SH3BGRL: variants seen among roughly 807,000 people sequenced by gnomAD.
The protein encoded by SH3BGRL is adapter SH3BGRL.
SH3BGRL carries 7 observed loss-of-function variants against 9.8 expected under a neutral mutation model. That is an observed-to-expected ratio of 0.72 (90% CI 0.41 to 1.35). The LOEUF (loss-of-function observed/expected upper bound fraction) is 1.35. SH3BGRL is among the 40% of genes most tolerant of loss of function. SH3BGRL has a pLI of 0.01. For synonymous variants in SH3BGRL, 36 were observed against 29.1 expected (o/e 1.24, Z -0.76); for missense variants, 73 against 84.4 (o/e 0.86, Z 0.53).
chrX:81,221,933 G>T (rs2075601170), intron 1 of SH3BGRL, among the ~76,000 whole-genome samples: 1 of 111,599 alleles, frequency 9.0e-6, no homozygotes, highest in Non-Finnish European at 1.9e-5. Context: ...TAAAATATTA[G>T]AAGCATATGT....
At chrX:81,223,188 A>G (rs776490142) in intron 1 of SH3BGRL, among the ~76,000 whole-genome samples, 1 of 110,955 alleles carries the variant, frequency 9.0e-6, no homozygotes, top group East Asian at 2.8e-4. Flanking sequence ...ATTAGATCCC[A>G]TTTGTCAATT....
chrX:81,230,569 G>C (rs1008111654), intron 1 of SH3BGRL, among the ~76,000 whole-genome samples: 1 of 112,159 alleles, frequency 8.9e-6, no homozygotes, highest in African/African-American at 3.2e-5. Flanking sequence ...ACCTAGAAGA[G>C]GAAATTATCT....
chrX:81,227,965 G>T (rs2075622268), intron 1 of SH3BGRL, among the ~76,000 whole-genome samples: 2 of 111,891 alleles, frequency 1.8e-5, no homozygotes, highest in Admixed American at 9.5e-5. Flanking sequence ...CAGTTTGTAT[G>T]CAGTTTTAGA....
At chrX:81,263,798 A>C (rs2075748135) in intron 1 of SH3BGRL, among the ~76,000 whole-genome samples, 1 of 111,591 alleles carries the variant, frequency 9.0e-6, no homozygotes, top group Non-Finnish European at 1.9e-5. Flanking sequence ...TAAAAAGAAC[A>C]GAAAGGGTCT....
chrX:81,263,455 C>T (rs1188140024), intron 1 of SH3BGRL, among the ~76,000 whole-genome samples: 2 of 111,792 alleles, frequency 1.8e-5, no homozygotes, highest in African/African-American at 6.5e-5. Context: ...TTGGCATGTA[C>T]GTTTGATAAG....
chrX:81,260,218 C>T (rs2075736997), intron 1 of SH3BGRL, among the ~76,000 whole-genome samples: 1 of 111,488 alleles, frequency 9.0e-6, no homozygotes. Context: ...AGACAACATA[C>T]ATTGTAGTGC....
chrX:81,286,080 G>A (rs2075833097), intron 3 of SH3BGRL, among the ~76,000 whole-genome samples: 2 of 111,371 alleles, frequency 1.8e-5, no homozygotes, highest in South Asian at 7.4e-4. Context: ...ATATTGGATT[G>A]TTTAAAACAA....
At chrX:81,210,613 C>T (rs953831097) in intron 1 of SH3BGRL, among the ~76,000 whole-genome samples, 1 of 111,052 alleles carries the variant, frequency 9.0e-6, no homozygotes, top group Non-Finnish European at 1.9e-5. Flanking sequence ...AGAGAACTAG[C>T]CAGGTCACAG....
chrX:81,287,796 TATA>T (rs2075840443), intron 3 of SH3BGRL, among the ~76,000 whole-genome samples: 1 of 110,640 alleles, frequency 9.0e-6, no homozygotes, highest in South Asian at 3.9e-4. Context: ...GAACTTAAAG[TATA>T]ATAATAAAAA....
In SH3BGRL at chrX:81,202,242, A is replaced by G. The variant is rs757988680; in HGVS notation, c.42A>G (p.Thr14=). 3.3e-6 allele frequency: 4 copies of G among 1,201,871 alleles called. No individual in the cohort carries two copies. Among genetic ancestry groups the G allele is most frequent in the Admixed American group, 4.4e-5 (2 of 45,341 alleles). ...RVYIASSSGS[T]AIKKKQQDVL... ...ATATTGCATCTTCCTCTGGCTCTAC[A>G]GCGGTAAGGAGAGTGGGGAGTCCAC... Residue 14 remains threonine, a synonymous_variant, in exon 1 of 4, where the codon ACA becomes ACG. Coordinates refer to ENST00000373212, the MANE Select transcript of SH3BGRL (RefSeq NM_003022.3).
chrX:81,255,111 A>G (rs2075721782), intron 1 of SH3BGRL, among the ~76,000 whole-genome samples: 1 of 110,341 alleles, frequency 9.1e-6, no homozygotes, highest in Non-Finnish European at 1.9e-5. Flanking sequence ...GAGGTTCTCA[A>G]TCTCCTGACC....
chrX:81,275,699 G>A, intron 1 of SH3BGRL, among the ~76,000 whole-genome samples: 1 of 112,118 alleles, frequency 8.9e-6, no homozygotes, highest in East Asian at 2.8e-4. Flanking sequence ...AAATTACCTT[G>A]TAGCAAGTTT....
chrX:81,212,923 C>T (rs943794446), intron 1 of SH3BGRL, among the ~76,000 whole-genome samples: 1 of 112,534 alleles, frequency 8.9e-6, no homozygotes, highest in East Asian at 2.8e-4. Context: ...TGTCTAATTA[C>T]TTTTTGAAAA....
At chrX:81,220,340 A>G (rs1219464513) in intron 1 of SH3BGRL, among the ~76,000 whole-genome samples, 1 of 111,235 alleles carries the variant, frequency 9.0e-6, no homozygotes. Context: ...CCATGGTTCA[A>G]TATTTGTAAG....
chrX:81,250,416 A>T (rs986590763), intron 1 of SH3BGRL, among the ~76,000 whole-genome samples: 5 of 110,677 alleles, frequency 4.5e-5, no homozygotes, highest in Admixed American at 2.9e-4. Flanking sequence ...CAAAAAAAAA[A>T]AAAAATAAAA....
intron 3 of SH3BGRL, among the ~76,000 whole-genome samples, chrX:81,280,289 G>A (rs1376549372): frequency 9.0e-6 from 1 of 110,833 alleles, no homozygotes; most frequent in African/African-American, 3.3e-5. Context: ...AAGTTCTAGG[G>A]CCCTGCCTAC....
At chrX:81,291,522 G>T in intron 3 of SH3BGRL, among the ~76,000 whole-genome samples, 1 of 111,625 alleles carries the variant, frequency 9.0e-6, no homozygotes, top group Non-Finnish European at 1.9e-5. Context: ...TTTGGGTGGG[G>T]ATGCAGAGCT....
intron 1 of SH3BGRL, among the ~76,000 whole-genome samples, chrX:81,204,598 A>C (rs1434948390): frequency 9.0e-6 from 1 of 111,298 alleles, no homozygotes; most frequent in East Asian, 2.8e-4. Context: ...CATTAAAAAA[A>C]AAAACAACAG....
intron 1 of SH3BGRL, among the ~76,000 whole-genome samples, chrX:81,259,026 GATTA>G (rs2075733495): frequency 8.9e-6 from 1 of 112,555 alleles, no homozygotes; most frequent in African/African-American, 3.2e-5. Flanking sequence ...AACAAGAACA[GATTA>G]ATTGATTATT....
Sources: allele counts gnomAD v4.1 joint callset (sites outside exome capture counted in the v4.1 genomes callset), GRCh38; gene constraint gnomAD v4.1.1; transcripts MANE v1.5; gene names NCBI Gene and HGNC (gene_info 2026-07-23, HGNC 2026-07-21).